ERBB4: variants seen among roughly 807,000 people sequenced by gnomAD.
ERBB4 encodes the protein erb-b2 receptor tyrosine kinase 4, also known as receptor tyrosine-protein kinase erbB-4.
ERBB4 carries 42 observed loss-of-function variants against 158.0 expected under a neutral mutation model. The observed-to-expected ratio is 0.27, with a 90% CI of 0.21 to 0.34. The LOEUF (loss-of-function observed/expected upper bound fraction) is 0.34, where lower values mean the gene tolerates loss of function less well. ERBB4 is among the 10% of genes least tolerant of loss of function. The probability of loss-of-function intolerance (pLI) is 1.00; values close to 1 mark genes in which losing one functional copy is unlikely to be tolerated. For missense variants in ERBB4, 1,333 were observed against 1,624.1 expected (o/e 0.82, Z 3.08); for synonymous variants, 583 against 558.7 (o/e 1.04, Z -0.61).
chr2:211,702,963 T>G (rs1235173509), intron 11 of ERBB4, among the ~76,000 whole-genome samples: 2 of 152,186 alleles, frequency 1.3e-5, no homozygotes, highest in Non-Finnish European at 2.9e-5. Flanking sequence ...TTTACTTATT[T>G]ACTTTTCCAT....
In ERBB4 at chr2:212,298,225, A is replaced by G. The variant is rs180997795; in HGVS notation, c.83-173322T>C. On this transcript the variant is annotated intron_variant, in intron 1 of 27. Coordinates refer to ENST00000342788, the MANE Select transcript of ERBB4 (RefSeq NM_005235.3). Reference sequence around the variant, plus strand: ...TTTATGCTGCTTGAAGATCAATCATATTCTATACCATCTAGTAAAAAAAGA... The same window carrying G: ...TTTATGCTGCTTGAAGATCAATCATGTTCTATACCATCTAGTAAAAAAAGA... Among the ~76,000 whole-genome samples the G allele has an allele frequency of 9.9e-5, 15 of 151,884 alleles. No homozygotes were observed. In the East Asian group the frequency reaches 2.9e-3, roughly 30 times the overall value.
At chr2:212,420,036 A>G (rs2091758454) in intron 1 of ERBB4, among the ~76,000 whole-genome samples, 1 of 152,066 alleles carries the variant, frequency 6.6e-6, no homozygotes, top group Non-Finnish European at 1.5e-5. Flanking sequence ...GAAAACTGAA[A>G]CATCTGCTAA....
intron 1 of ERBB4, among the ~76,000 whole-genome samples, chr2:212,415,898 TATG>T: frequency 6.6e-6 from 1 of 152,268 alleles, no homozygotes; most frequent in South Asian, 2.1e-4. Context: ...CCATTCAAAT[TATG>T]ATATCATTCA....
chr2:211,959,752 A>C (rs1377114968), intron 2 of ERBB4, among the ~76,000 whole-genome samples: 1 of 152,110 alleles, frequency 6.6e-6, no homozygotes, highest in Non-Finnish European at 1.5e-5. Flanking sequence ...TTTTGGTGTC[A>C]TTCATTCAGC....
intron 16 of ERBB4, among the ~76,000 whole-genome samples, chr2:211,637,655 C>T (rs2070411120): frequency 1.3e-5 from 2 of 151,888 alleles, no homozygotes; most frequent in Non-Finnish European, 2.9e-5. Context: ...ATTTCCAATA[C>T]TTGTATATTT....
chr2:211,867,088 G>C (rs1232873278), intron 3 of ERBB4, among the ~76,000 whole-genome samples: 1 of 144,752 alleles, frequency 6.9e-6, no homozygotes, highest in Non-Finnish European at 1.5e-5. Flanking sequence ...TGTGATATGA[G>C]GAATAAAAGT....
In ERBB4 at chr2:211,685,631, A is replaced by G. The variant is rs182682303; in HGVS notation, c.1490-6447T>C. Reference sequence around the variant, plus strand: ...TTGTTTGCCTTTCCATACAAATTGTATAATAATCTTGTCTCTATCTCAACA... The same window carrying G: ...TTGTTTGCCTTTCCATACAAATTGTGTAATAATCTTGTCTCTATCTCAACA... On this transcript the variant is annotated intron_variant, in intron 12 of 27. Transcript: ENST00000342788. Among the ~76,000 whole-genome samples, 124 of 152,318 alleles carry G rather than the reference A, an allele frequency of 8.1e-4. No individual in the cohort carries two copies. In the East Asian group the frequency reaches 0.021, roughly 26 times the overall value.
At chr2:211,651,460 T>C (rs935652777) in intron 16 of ERBB4, among the ~76,000 whole-genome samples, 5 of 152,204 alleles carry the variant, frequency 3.3e-5, no homozygotes, top group African/African-American at 1.2e-4. Flanking sequence ...CACTGAAATA[T>C]ACACATACCT....
chr2:212,483,616 T>C (rs1245650527), intron 1 of ERBB4, among the ~76,000 whole-genome samples: 1 of 152,244 alleles, frequency 6.6e-6, no homozygotes, highest in Non-Finnish European at 1.5e-5. Context: ...CTCTTCTCTT[T>C]GTCTAAAGAG....
At chr2:212,275,565 T>G in intron 1 of ERBB4, among the ~76,000 whole-genome samples, 1 of 151,850 alleles carries the variant, frequency 6.6e-6, no homozygotes, top group Non-Finnish European at 1.5e-5. Flanking sequence ...GAATTTCATA[T>G]CCAGCCAAAC....
intron 20 of ERBB4, among the ~76,000 whole-genome samples, chr2:211,476,721 T>C (rs2064963234): frequency 6.6e-6 from 1 of 152,010 alleles, no homozygotes; most frequent in African/African-American, 2.4e-5. Flanking sequence ...ATAGACACTA[T>C]AAACTTGTTT....
At chr2:212,081,147 T>A (rs1429439217) in intron 2 of ERBB4, among the ~76,000 whole-genome samples, 1 of 152,112 alleles carries the variant, frequency 6.6e-6, no homozygotes, top group African/African-American at 2.4e-5. Flanking sequence ...ACGGTTATGT[T>A]AATTAAGCAA....
intron 16 of ERBB4, among the ~76,000 whole-genome samples, chr2:211,654,684 T>A (rs1415501360): frequency 1.3e-5 from 2 of 152,202 alleles, no homozygotes; most frequent in Non-Finnish European, 2.9e-5. Context: ...TCTTAAGGGT[T>A]ATAAGAATTC....
chr2:211,709,133 C>A (rs940940673), intron 9 of ERBB4, among the ~76,000 whole-genome samples: 1 of 151,642 alleles, frequency 6.6e-6, no homozygotes, highest in African/African-American at 2.4e-5. Flanking sequence ...CTGCCTGATG[C>A]ATTTTTATTC....
At chr2:212,045,599 T>C (rs896613432) in intron 2 of ERBB4, among the ~76,000 whole-genome samples, 3 of 152,220 alleles carry the variant, frequency 2.0e-5, no homozygotes, top group Admixed American at 6.5e-5. Context: ...ATTGAAGTTT[T>C]AGCCTCAGGG....
chr2:211,662,748 T>G (rs529733344), intron 15 of ERBB4, among the ~76,000 whole-genome samples: 2 of 152,286 alleles, frequency 1.3e-5, no homozygotes, highest in South Asian at 4.1e-4. Flanking sequence ...TAATGTACTT[T>G]TAGAGTAGTA....
At chr2:212,111,737 A>G (rs1263701009) in intron 2 of ERBB4, among the ~76,000 whole-genome samples, 4 of 152,026 alleles carry the variant, frequency 2.6e-5, no homozygotes, top group Non-Finnish European at 4.4e-5. Flanking sequence ...ATTAACTCAC[A>G]ACCCTTTTTT....
intron 1 of ERBB4, among the ~76,000 whole-genome samples, chr2:212,409,703 A>G (rs2091444090): frequency 1.3e-5 from 2 of 152,120 alleles, no homozygotes; most frequent in Non-Finnish European, 2.9e-5. Context: ...TCACTATTAA[A>G]TTTGCAGAAT....
Position 211,380,502 on chromosome 2 carries a change from T to C in ERBB4, c.*3113A>G, listed in dbSNP as rs2062556599. 4.3e-6 allele frequency: 1 copy of C among 232,330 alleles called. No homozygotes were observed. The highest frequency in any genetic ancestry group is 8.5e-6 in the Non-Finnish European group (1 of 117,454). The allele number at this position is 232,330 out of a possible 1,614,324, so 14.4% of individuals were successfully genotyped here. ...GCTACAATTGGCCTCTGGAATCTGA[T>C]ATCCCCCCAAGCACTTTGAAGACTT... On this transcript the variant is annotated 3_prime_UTR_variant, in exon 28 of 28. Coordinates refer to ENST00000342788, the MANE Select transcript of ERBB4 (RefSeq NM_005235.3).
Sources: allele counts gnomAD v4.1 joint callset (sites outside exome capture counted in the v4.1 genomes callset), GRCh38; gene constraint gnomAD v4.1.1; transcripts MANE v1.5; gene names NCBI Gene and HGNC (gene_info 2026-07-23, HGNC 2026-07-21).